Variants in SLC47A1 observed in about 807,000 individuals in gnomAD.
The protein encoded by SLC47A1 is multidrug and toxin extrusion protein 1.
SLC47A1 carries 58 observed loss-of-function variants against 65.8 expected under a neutral mutation model. The observed-to-expected ratio is 0.88, with a 90% CI of 0.71 to 1.10. The LOEUF is 1.10. SLC47A1 is among the 50% of genes least tolerant of loss of function. The pLI, the probability that SLC47A1 is intolerant of heterozygous loss-of-function variation, is 0.00. For missense variants in SLC47A1, 706 were observed against 719.2 expected (o/e 0.98, Z 0.21); for synonymous variants, 285 against 295.0 (o/e 0.97, Z 0.35).
chr17:19,546,386 C>T (rs1408126063), intron 2 of SLC47A1, 49 bp from the exon 3 acceptor site: 5 of 1,583,758 alleles, frequency 3.2e-6, no homozygotes, highest in Non-Finnish European at 4.3e-6. Context: ...ATTTTGTCTT[C>T]CTTTCCTCCT....
intron 1 of SLC47A1, among the ~76,000 whole-genome samples, chr17:19,540,956 T>C (rs1351512893): frequency 6.6e-6 from 1 of 151,804 alleles, no homozygotes; most frequent in South Asian, 2.1e-4. Flanking sequence ...TCTCCCGGGA[T>C]GTGGATTCTA....
At chr17:19,556,133 A>C in intron 10 of SLC47A1, 71 bp downstream of exon 10, 1 of 1,523,326 alleles carries the variant, frequency 6.6e-7, no homozygotes, top group Non-Finnish European at 9.1e-7. Context: ...GAGTCTATGG[A>C]TGAGCACAGG....
At chr17:19,539,380 T>C (rs769308521) in intron 1 of SLC47A1, among the ~76,000 whole-genome samples, 7 of 152,158 alleles carry the variant, frequency 4.6e-5, no homozygotes, top group Non-Finnish European at 8.8e-5. Flanking sequence ...CCAGAGGGTC[T>C]GGAGCACTCT....
At position 19,534,085 on chromosome 17, in the gene SLC47A1, T is replaced by C. The variant is rs767168425; in HGVS notation, c.135+11T>C. 8.6e-6 allele frequency: 13 copies of C among 1,520,254 alleles called. No homozygotes were observed. Among genetic ancestry groups the C allele is most frequent in the South Asian group, 2.5e-5 (2 of 80,848 alleles). 94.2% of individuals were successfully genotyped at this position (1,520,254 alleles called of 1,614,324 possible). A position where few individuals can be genotyped will look rare whatever the true frequency, so the allele number is the denominator to read the frequency against. On this transcript the variant is annotated intron_variant, in intron 1 of 16. Coordinates refer to ENST00000270570, the MANE Select transcript of SLC47A1 (RefSeq NM_018242.3). ...CTGGCTGGCCCCGCGGTGAGTAAGG[T>C]GGCCTCAGTGGCAGGCCGGTACCGG...
At position 19,567,123 on chromosome 17, in the gene SLC47A1, A is replaced by T; in HGVS notation, c.1204A>T (p.Ser402Cys). Residue 402 changes from serine to cysteine, a missense_variant, in exon 14 of 17, where the codon AGT becomes TGT. Coordinates refer to ENST00000270570, the MANE Select transcript of SLC47A1 (RefSeq NM_018242.3). ...ACTSGGVLRG[S>C]GNQKVGAIVN... ...CACGAGTGGTGGTGTTCTGAGGGGG[A>T]GTGGAAATCAGAAGGTTGGAGCCAT... 6.2e-7 allele frequency: 1 copy of T among 1,613,934 alleles called. No homozygotes were observed. Among genetic ancestry groups the T allele is most frequent in the South Asian group, 1.1e-5 (1 of 91,066 alleles).
chr17:19,539,890 C>G (rs1183073902), intron 1 of SLC47A1, among the ~76,000 whole-genome samples: 2 of 152,062 alleles, frequency 1.3e-5, no homozygotes, highest in African/African-American at 4.8e-5. Flanking sequence ...GGGCTTGAAA[C>G]CAGGATCTGA....
chr17:19,564,841 C>T (rs541887495), intron 12 of SLC47A1, among the ~76,000 whole-genome samples: 1 of 152,300 alleles, frequency 6.6e-6, no homozygotes, highest in East Asian at 1.9e-4. Flanking sequence ...CTGCCTCAGC[C>T]TCCCGAGTAG....
chr17:19,540,233 G>A (rs998715814), intron 1 of SLC47A1, among the ~76,000 whole-genome samples: 31 of 152,008 alleles, frequency 2.0e-4, no homozygotes, highest in African/African-American at 7.2e-4. Context: ...TCCAAAGGCC[G>A]GGCAGTAGGG....
intron 1 of SLC47A1, chr17:19,534,803 T>C (rs1200914878): frequency 1.3e-5 from 2 of 152,224 alleles, no homozygotes; most frequent in African/African-American, 2.4e-5. Flanking sequence ...GGGCTGTTTC[T>C]GCCTTGTCTC....
At chr17:19,568,699 G>T (rs1291818012) in intron 14 of SLC47A1, among the ~76,000 whole-genome samples, 1 of 152,060 alleles carries the variant, frequency 6.6e-6, no homozygotes, top group Non-Finnish European at 1.5e-5. Flanking sequence ...TTCAAAATGT[G>T]CAGTACATTG....
rs1024166367 is a variant in SLC47A1, at chr17:19,555,638, A to G, written c.687A>G (p.Leu229=). ...TGATTTCCCAGTACACCCTGGCTCT[A>G]CTCCTCTTTCTCTACATCCTCGGGA... is the stretch of plus-strand genomic sequence containing the variant. ...ANLISQYTLA[L]LLFLYILGKK... The change falls in exon 8 of 17, where the codon CTA becomes CTG. Residue 229 remains leucine (L), a synonymous_variant. Coordinates refer to ENST00000270570, the MANE Select transcript of SLC47A1 (RefSeq NM_018242.3). 3 of 1,613,594 alleles carry G rather than the reference A, an allele frequency of 1.9e-6. No individual in the cohort carries two copies. The Admixed American group carries it at 5.0e-5, about 27-fold the overall frequency.
At chr17:19,535,477 C>T (rs985473644) in intron 1 of SLC47A1, 11 of 151,974 alleles carry the variant, frequency 7.2e-5, no homozygotes, top group Non-Finnish European at 1.5e-4. Flanking sequence ...CATGGCTGGG[C>T]GTGGTGGCTC....
At chr17:19,568,808 C>T (rs1234451013) in intron 14 of SLC47A1, among the ~76,000 whole-genome samples, 2 of 152,090 alleles carry the variant, frequency 1.3e-5, no homozygotes, top group Non-Finnish European at 2.9e-5. Flanking sequence ...GCCCTCCCCT[C>T]CTTGCCACCA....
At position 19,571,405 on chromosome 17, in the gene SLC47A1, T is replaced by C. The variant is rs566368207; in HGVS notation, c.1310-73T>C. ...TTCAGTATGGCTGACAGAAGTGATA[T>C]AGGCAAAACATACTCCCCAGGGGCA... On this transcript the variant is annotated intron_variant, in intron 14 of 16. Transcript: ENST00000270570. The C allele has an allele frequency of 4.6e-5, 61 of 1,313,466 alleles. No homozygotes were observed. In the African/African-American group the frequency reaches 7.6e-4, roughly 16 times the overall value. 81.4% of individuals were successfully genotyped at this position (1,313,466 alleles called of 1,614,324 possible).
intron 10 of SLC47A1, among the ~76,000 whole-genome samples, chr17:19,559,523 A>ATTTAT: frequency 6.6e-6 from 1 of 152,166 alleles, no homozygotes; most frequent in African/African-American, 2.4e-5. Context: ...CCCTGTCCCT[A>ATTTAT]TTTATTTTAT....
chr17:19,565,891 C>T (rs2084353845), intron 12 of SLC47A1, among the ~76,000 whole-genome samples: 1 of 152,042 alleles, frequency 6.6e-6, no homozygotes, highest in African/African-American at 2.4e-5. Context: ...GTCTGAAAAT[C>T]TTAAGTGGAA....
intron 1 of SLC47A1, among the ~76,000 whole-genome samples, chr17:19,537,455 G>C (rs957682165): frequency 6.6e-6 from 1 of 152,218 alleles, no homozygotes; most frequent in Non-Finnish European, 1.5e-5. Flanking sequence ...GCCTAGGCCC[G>C]AGGAGGGGAA....
intron 2 of SLC47A1, among the ~76,000 whole-genome samples, chr17:19,542,795 GTTT>G (rs34589573): frequency 1.5e-5 from 2 of 133,120 alleles, no homozygotes; most frequent in African/African-American, 2.8e-5. Flanking sequence ...TTATTTTGTT[GTTT>G]TTTTTTTTTT....
intron 6 of SLC47A1, among the ~76,000 whole-genome samples, chr17:19,553,649 C>A (rs953006201): frequency 4.6e-5 from 7 of 151,314 alleles, no homozygotes; most frequent in South Asian, 2.1e-4. Context: ...TCAAGCGATT[C>A]TCCTGCCTCA....
Sources: gnomAD v4.1 joint callset for allele counts (sites outside exome capture counted in the v4.1 genomes callset) on GRCh38, gnomAD v4.1.1 for gene constraint, MANE v1.5 for transcripts, NCBI Gene and HGNC (gene_info 2026-07-23, HGNC 2026-07-21) for gene names.